Variants in BCO1 observed in about 807,000 individuals in gnomAD.
The protein encoded by BCO1 is beta-carotene oxygenase 1.
BCO1 carries 54 observed loss-of-function variants against 56.3 expected under a neutral mutation model. The ratio of observed to expected loss-of-function variants is 0.96; its 90% CI spans 0.77 to 1.20. The LOEUF is 1.20. Ranked by LOEUF, BCO1 falls within the 50% of genes most tolerant of loss-of-function variation. The pLI is 0.00. For synonymous variants in BCO1, 318 were observed against 266.1 expected, an observed-to-expected ratio of 1.20 and a Z score of -1.90; for missense variants, 801 against 690.9, an observed-to-expected ratio of 1.16 and a Z score of -1.79.
At chr16:81,265,901 C>A (rs1490057322) in intron 5 of BCO1, among the ~76,000 whole-genome samples, 1 of 151,894 alleles carries the variant, frequency 6.6e-6, no homozygotes, top group East Asian at 1.9e-4. Flanking sequence ...CATCCACCCA[C>A]CCAACATCCA....
intron 10 of BCO1, among the ~76,000 whole-genome samples, chr16:81,288,095 C>T (rs747423220): frequency 3.3e-5 from 5 of 152,132 alleles, no homozygotes; most frequent in Non-Finnish European, 5.9e-5. Context: ...GCAGGACATT[C>T]GACGGGTATA....
At chr16:81,273,853 G>C (rs1162458610) in intron 7 of BCO1, among the ~76,000 whole-genome samples, 1 of 152,172 alleles carries the variant, frequency 6.6e-6, no homozygotes, top group Non-Finnish European at 1.5e-5. Flanking sequence ...AGTTTTAAAA[G>C]TATTAGGCAT....
At chr16:81,259,858 T>C in intron 3 of BCO1, 53 bp downstream of exon 3, 2 of 1,608,560 alleles carry the variant, frequency 1.2e-6, no homozygotes, top group Admixed American at 3.3e-5. Context: ...CTATCCTTGA[T>C]GGCTGAAATA....
chr16:81,245,388 A>G lies in BCO1; in HGVS notation c.65-87A>G. 2.5e-6 allele frequency: 4 copies of G among 1,596,478 alleles called. No individual in the cohort carries two copies. The South Asian group carries it at 4.4e-5, about 18-fold the overall frequency. On this transcript the variant is annotated intron_variant, in intron 1 of 10. Transcript: ENST00000258168. Reference sequence around the variant, plus strand: ...TGCAAGGAGTGGTACTGGGACCACAACTCTCAAATTCCTTTCCATGACCAT... The same window carrying G: ...TGCAAGGAGTGGTACTGGGACCACAGCTCTCAAATTCCTTTCCATGACCAT...
intron 7 of BCO1, among the ~76,000 whole-genome samples, chr16:81,275,815 G>C (rs1254296834): frequency 6.6e-6 from 1 of 152,254 alleles, no homozygotes; most frequent in Non-Finnish European, 1.5e-5. Context: ...TTTGGGACCA[G>C]CTGGGGTCAA....
intron 6 of BCO1, among the ~76,000 whole-genome samples, chr16:81,268,596 TCC>T (rs1400062622): frequency 6.6e-6 from 1 of 152,202 alleles, no homozygotes; most frequent in Non-Finnish European, 1.5e-5. Context: ...AACCTCTCCT[TCC>T]ATTCAGGTAC....
In BCO1 at chr16:81,262,145, C is replaced by G; in HGVS notation, c.333C>G (p.Ser111=). The change falls in exon 4 of 11, where the codon TCC becomes TCG. Residue 111 remains serine, a synonymous_variant. Transcript: ENST00000258168. Reference sequence around the variant, plus strand: ...TTGCTTTTCTCCCCAGAGCTTTCTCCTACTTGTCTCACACCATCCCCGATT... The same window carrying G: ...TTGCTTTTCTCCCCAGAGCTTTCTCGTACTTGTCTCACACCATCCCCGATT... ...PCKNIFSKAF[S]YLSHTIPDFT... The G allele has an allele frequency of 6.2e-7, 1 of 1,613,906 alleles. No individual in the cohort carries two copies. The highest frequency in any genetic ancestry group is 8.5e-7 in the Non-Finnish European group (1 of 1,179,980).
intron 7 of BCO1, among the ~76,000 whole-genome samples, chr16:81,274,408 C>A (rs1391009226): frequency 6.6e-6 from 1 of 151,482 alleles, no homozygotes; most frequent in South Asian, 2.1e-4. Context: ...GGACTACAGG[C>A]GCCCGCCACT....
chr16:81,275,219 A>G lies in BCO1; in HGVS notation c.1101+4803A>G, dbSNP rs561842653. ...TCTGGGCCTGAGGCCTTTGCAGGACATTGCTTTCCCCTCTGTCTGAAACCC... is the reference window on the plus strand; with the variant it reads ...TCTGGGCCTGAGGCCTTTGCAGGACGTTGCTTTCCCCTCTGTCTGAAACCC... On this transcript the variant is annotated intron_variant, in intron 7 of 10. Transcript: ENST00000258168. Among the ~76,000 whole-genome samples, 4 of 152,300 alleles carry G rather than the reference A, an allele frequency of 2.6e-5. No individual in the cohort carries two copies. In the East Asian group the frequency reaches 7.7e-4, roughly 29 times the overall value.
chr16:81,268,729 A>G (rs560237401), intron 6 of BCO1, among the ~76,000 whole-genome samples: 6 of 152,276 alleles, frequency 3.9e-5, no homozygotes, highest in African/African-American at 1.4e-4. Flanking sequence ...GTACGTGTGC[A>G]TGGGTGTATG....
At chr16:81,286,210 T>C (rs1041143240) in intron 9 of BCO1, among the ~76,000 whole-genome samples, 3 of 152,138 alleles carry the variant, frequency 2.0e-5, no homozygotes, top group African/African-American at 7.2e-5. Context: ...AAGCTACCAT[T>C]TGTCAAACAC....
At chr16:81,268,903 C>G (rs1173331962) in intron 6 of BCO1, among the ~76,000 whole-genome samples, 2 of 151,640 alleles carry the variant, frequency 1.3e-5, no homozygotes, top group African/African-American at 4.8e-5. Flanking sequence ...GTAGCTGGAA[C>G]CAGAGGCACA....
chr16:81,288,921 G>A (rs1019077597), intron 10 of BCO1, among the ~76,000 whole-genome samples: 40 of 152,284 alleles, frequency 2.6e-4, no homozygotes, highest in African/African-American at 8.7e-4. Context: ...GGCATGGCAC[G>A]CCAGGCCAGC....
Position 81,244,050 on chromosome 16 carries a change from CA to C in BCO1, c.65-1424del, listed in dbSNP as rs564051570. The stretch of plus-strand genomic sequence containing the variant: ...TCCATCACTGGGTGAGAGCAGCTTC[CA>C]GGGGCATTACCTATCCGAGGTGCTT... On this transcript the variant is annotated intron_variant, in intron 1 of 10. Coordinates refer to ENST00000258168, the MANE Select transcript of BCO1 (RefSeq NM_017429.3). Among the ~76,000 whole-genome samples the C allele has an allele frequency of 1.1e-4, 16 of 152,354 alleles. No homozygotes were observed. The South Asian group carries it at 3.3e-3, about 32-fold the overall frequency.
intron 7 of BCO1, among the ~76,000 whole-genome samples, chr16:81,272,094 G>C (rs1188807843): frequency 3.4e-5 from 5 of 146,204 alleles, no homozygotes. Flanking sequence ...CTATCTTACA[G>C]ACTGCTTTTC....
chr16:81,248,318 G>A (rs929637054), intron 2 of BCO1, among the ~76,000 whole-genome samples: 10 of 145,824 alleles, frequency 6.9e-5, no homozygotes, highest in South Asian at 4.3e-4. Flanking sequence ...CAGGAGAATC[G>A]CTTGAACTCG....
chr16:81,264,492 C>A, intron 4 of BCO1, 148 bp from the exon 5 acceptor site: 1 of 984,530 alleles, frequency 1.0e-6, no homozygotes, highest in Non-Finnish European at 1.6e-6. Flanking sequence ...CAACAGAGTG[C>A]AAAAATATCC....
intron 7 of BCO1, among the ~76,000 whole-genome samples, chr16:81,274,408 C>T (rs1391009226): frequency 2.0e-5 from 3 of 151,482 alleles, no homozygotes; most frequent in African/African-American, 4.8e-5. Flanking sequence ...GGACTACAGG[C>T]GCCCGCCACT....
At chr16:81,289,197 T>C (rs990175560) in intron 10 of BCO1, among the ~76,000 whole-genome samples, 2 of 152,176 alleles carry the variant, frequency 1.3e-5, no homozygotes, top group South Asian at 2.1e-4. Flanking sequence ...TCTGGAGGCA[T>C]TGAGAGTATT....
Sources: gnomAD v4.1 joint callset for allele counts (sites outside exome capture counted in the v4.1 genomes callset) on GRCh38, gnomAD v4.1.1 for gene constraint, MANE v1.5 for transcripts, NCBI Gene and HGNC (gene_info 2026-07-23, HGNC 2026-07-21) for gene names.